The following DRC5 variants were observed in gnomAD, a reference collection of about 807,000 sequenced individuals.
The protein encoded by DRC5 is T-complex-associated testis-expressed protein 1.
At chr6:44,285,005 CCTT>C in the DRC5 span, among the ~76,000 whole-genome samples, 2 of 152,236 alleles carry the variant, frequency 1.3e-5, no homozygotes, top group East Asian at 3.8e-4. Context: ...GACAAAGCCT[CCTT>C]CACCCAGCAA....
At chr6:44,282,587 A>G in the DRC5 span, 4 of 1,542,620 alleles carry the variant, frequency 2.6e-6, no homozygotes, top group African/African-American at 5.4e-5. Flanking sequence ...GTCTACAGCA[A>G]CTGCCAGCCA....
chr6:44,286,239 C>A, the DRC5 span: 1 of 1,612,512 alleles, frequency 6.2e-7, no homozygotes, highest in East Asian at 2.2e-5. Context: ...TCGACGTGGA[C>A]CCTGCGCACG....
chr6:44,278,824 A>G, the DRC5 span: 1 of 152,006 alleles, frequency 6.6e-6, no homozygotes, highest in Admixed American at 6.6e-5. Flanking sequence ...TTTACACTGA[A>G]TGTTCTTGTT....
the DRC5 span, among the ~76,000 whole-genome samples, chr6:44,295,860 T>G: frequency 5.9e-5 from 9 of 152,292 alleles, no homozygotes; most frequent in South Asian, 1.9e-3. Flanking sequence ...GGACAGTACT[T>G]AATAGTATCT....
At chr6:44,295,569 G>A in the DRC5 span, among the ~76,000 whole-genome samples, 1 of 152,350 alleles carries the variant, frequency 6.6e-6, no homozygotes, top group East Asian at 1.9e-4. Context: ...GTAATAGAAA[G>A]TGACAAGATG....
chr6:44,291,520 AC>A, the DRC5 span, among the ~76,000 whole-genome samples: 1 of 152,110 alleles, frequency 6.6e-6, no homozygotes. Context: ...CTTGGGGGAC[AC>A]CCTTTGGCGT....
chr6:44,287,881 G>A, the DRC5 span: 2 of 1,568,104 alleles, frequency 1.3e-6, no homozygotes, highest in African/African-American at 1.3e-5. Flanking sequence ...ATGACAAGAA[G>A]CTTCTCAGAC....
At chr6:44,292,615 C>G in the DRC5 span, among the ~76,000 whole-genome samples, 1 of 152,168 alleles carries the variant, frequency 6.6e-6, no homozygotes, top group Admixed American at 6.5e-5. Flanking sequence ...ATAATAGATT[C>G]TGGCCAAAAG....
the DRC5 span, chr6:44,279,088 C>T: frequency 6.6e-6 from 1 of 152,426 alleles, no homozygotes; most frequent in African/African-American, 2.4e-5. Context: ...ATGACCTGCC[C>T]TTTGGGGACA....
the DRC5 span, among the ~76,000 whole-genome samples, chr6:44,289,008 A>AG: frequency 5.6e-5 from 8 of 143,478 alleles, no homozygotes; most frequent in Admixed American, 2.1e-4. Context: ...AAAAAAAAAA[A>AG]AAAAAAAAAA....
the DRC5 span, among the ~76,000 whole-genome samples, chr6:44,285,231 A>G: frequency 6.6e-6 from 1 of 152,256 alleles, no homozygotes; most frequent in South Asian, 2.1e-4. Context: ...ATGCTCCTTT[A>G]CAATCTCTCA....
the DRC5 span, chr6:44,282,687 A>G: frequency 1.5e-6 from 1 of 688,024 alleles, no homozygotes; most frequent in Non-Finnish European, 2.4e-6. Context: ...GGCCAGGCCT[A>G]CCAGCATGGC....
the DRC5 span, among the ~76,000 whole-genome samples, chr6:44,281,564 T>C: frequency 6.6e-6 from 1 of 152,202 alleles, no homozygotes. Context: ...TTTGTATTTT[T>C]AGTAGATATG....
chr6:44,282,447 C>T, the DRC5 span: 1 of 1,613,502 alleles, frequency 6.2e-7, no homozygotes, highest in Non-Finnish European at 8.5e-7. Context: ...ACCACGGTCT[C>T]CAATGAGGTT....
the DRC5 span, among the ~76,000 whole-genome samples, chr6:44,295,744 CAGG>C: frequency 1.3e-5 from 2 of 152,190 alleles, no homozygotes; most frequent in Non-Finnish European, 2.9e-5. Flanking sequence ...GCTAAGTACT[CAGG>C]AGTTGTGCTG....
At chr6:44,285,997 C>A in the DRC5 span, 2 of 1,613,920 alleles carry the variant, frequency 1.2e-6, no homozygotes, top group Non-Finnish European at 1.7e-6. Context: ...TGGCGGCTGC[C>A]AAGGAGAGGC....
the DRC5 span, among the ~76,000 whole-genome samples, chr6:44,290,779 C>T: frequency 1.3e-5 from 2 of 152,186 alleles, no homozygotes; most frequent in Admixed American, 1.3e-4. Flanking sequence ...GGAGTTGACT[C>T]TTTAGTCATT....
chr6:44,278,995 G>A, the DRC5 span: 8 of 152,196 alleles, frequency 5.3e-5, no homozygotes, highest in Non-Finnish European at 1.2e-4. Flanking sequence ...TCACTCCCAA[G>A]CCCCCTTTGG....
the DRC5 span, chr6:44,287,324 G>T: frequency 1.3e-6 from 1 of 792,766 alleles, no homozygotes; most frequent in Non-Finnish European, 1.5e-6. Flanking sequence ...GGCATGGAGG[G>T]TGCAGTGTGG....
Sources: allele counts gnomAD v4.1 joint callset (sites outside exome capture counted in the v4.1 genomes callset), GRCh38; gene constraint gnomAD v4.1.1; transcripts MANE v1.5; gene names NCBI Gene and HGNC (gene_info 2026-07-23, HGNC 2026-07-21).